SPAG16: variants seen among roughly 807,000 people sequenced by gnomAD.
SPAG16 encodes the protein sperm associated antigen 16.
Under a neutral mutation model 80.4 loss-of-function variants are expected in SPAG16, and 86 were observed. That is an observed-to-expected ratio of 1.07 (90% CI 0.90 to 1.28). SPAG16 has a LOEUF of 1.28. Ranked by LOEUF, SPAG16 falls within the 50% of genes most tolerant of loss-of-function variation. SPAG16 has a pLI of 0.00. For synonymous variants in SPAG16, 294 were observed against 265.9 expected (o/e 1.11, Z -1.03); for missense variants, 870 against 765.3 (o/e 1.14, Z -1.61).
chr2:213,398,168 GT>G (rs61056930), intron 9 of SPAG16, among the ~76,000 whole-genome samples: 10,838 of 138,704 alleles, frequency 0.078, 1,179 homozygotes, highest in African/African-American at 0.26. Flanking sequence ...TTTGCTCTCT[GT>G]TTTTTTTTTT....
At chr2:214,096,854 CA>C (rs561909304) in intron 13 of SPAG16, among the ~76,000 whole-genome samples, 116 of 152,004 alleles carry the variant, frequency 7.6e-4, no homozygotes, top group African/African-American at 2.6e-3. Context: ...CATGAAATAA[CA>C]AAAACTAGGA....
At chr2:213,487,792 A>G (rs1209044202) in intron 9 of SPAG16, among the ~76,000 whole-genome samples, 1 of 152,082 alleles carries the variant, frequency 6.6e-6, no homozygotes. Flanking sequence ...ACAACTATAT[A>G]AGACTGGATT....
At chr2:214,202,245 T>A (rs1393250305) in intron 15 of SPAG16, among the ~76,000 whole-genome samples, 1 of 152,132 alleles carries the variant, frequency 6.6e-6, no homozygotes, top group Non-Finnish European at 1.5e-5. Context: ...AACTTGAAAA[T>A]TTTTTTACAA....
chr2:213,747,200 A>G (rs951122204), intron 10 of SPAG16, among the ~76,000 whole-genome samples: 1 of 152,240 alleles, frequency 6.6e-6, no homozygotes, highest in Non-Finnish European at 1.5e-5. Flanking sequence ...TTTTAAAAAT[A>G]CAAAAAGTCT....
intron 12 of SPAG16, among the ~76,000 whole-genome samples, chr2:213,996,513 G>A (rs2046522206): frequency 6.6e-6 from 1 of 150,962 alleles, no homozygotes; most frequent in Non-Finnish European, 1.5e-5. Flanking sequence ...GAATCACAGT[G>A]CCTTAAAATA....
At chr2:214,210,839 G>GCACACACA (rs58316951) in intron 15 of SPAG16, among the ~76,000 whole-genome samples, 5 of 149,514 alleles carry the variant, frequency 3.3e-5, no homozygotes, top group African/African-American at 1.2e-4. Context: ...ATGCGCGCGC[G>GCACACACA]CACACACACA....
At chr2:214,368,119 C>T (rs1345955908) in intron 15 of SPAG16, among the ~76,000 whole-genome samples, 2 of 152,094 alleles carry the variant, frequency 1.3e-5, no homozygotes, top group African/African-American at 2.4e-5. Context: ...GTTACATAAG[C>T]AAACCATTAA....
chr2:213,961,358 T>G (rs1559632837), intron 12 of SPAG16, among the ~76,000 whole-genome samples: 2 of 152,216 alleles, frequency 1.3e-5, no homozygotes, highest in Admixed American at 6.5e-5. Context: ...AGAATTTTAC[T>G]TCTTCCTTTT....
intron 15 of SPAG16, among the ~76,000 whole-genome samples, chr2:214,290,685 G>A (rs1346660983): frequency 1.3e-5 from 2 of 152,070 alleles, no homozygotes; most frequent in Non-Finnish European, 2.9e-5. Context: ...TATCTGTATA[G>A]TTTCCAACGT....
intron 5 of SPAG16, 136 bp from the exon 6 acceptor site, chr2:213,340,027 T>C: frequency 1.6e-6 from 1 of 625,806 alleles, no homozygotes; most frequent in Non-Finnish European, 2.8e-6. Context: ...GATGAGAATC[T>C]TCGATGAGAA....
intron 10 of SPAG16, among the ~76,000 whole-genome samples, chr2:213,507,488 C>T (rs1425774058): frequency 6.6e-6 from 1 of 152,168 alleles, no homozygotes; most frequent in African/African-American, 2.4e-5. Context: ...ATTAAATGAC[C>T]TACATAATAG....
At chr2:213,928,580 T>A (rs1177051652) in intron 11 of SPAG16, among the ~76,000 whole-genome samples, 3 of 152,224 alleles carry the variant, frequency 2.0e-5, no homozygotes, top group Admixed American at 2.0e-4. Flanking sequence ...TTGATTCTAC[T>A]ATTCCCTCTG....
intron 10 of SPAG16, among the ~76,000 whole-genome samples, chr2:213,756,175 T>C (rs1257127198): frequency 6.6e-6 from 1 of 151,868 alleles, no homozygotes; most frequent in Non-Finnish European, 1.5e-5. Context: ...CCAATAGGTG[T>C]TAAAAAAAAG....
chr2:213,398,288 T>G (rs1411827109), intron 9 of SPAG16, among the ~76,000 whole-genome samples: 2 of 152,152 alleles, frequency 1.3e-5, no homozygotes, highest in African/African-American at 4.8e-5. Flanking sequence ...AGTCATCTTC[T>G]TAAAACATAA....
At chr2:213,384,013 A>G (rs1169664341) in intron 9 of SPAG16, among the ~76,000 whole-genome samples, 1 of 152,212 alleles carries the variant, frequency 6.6e-6, no homozygotes, top group African/African-American at 2.4e-5. Flanking sequence ...CTGCTGTTGC[A>G]AAGATACCAT....
At chr2:213,514,850 ATTAAG>A (rs140913856) in intron 10 of SPAG16, among the ~76,000 whole-genome samples, 8,869 of 152,136 alleles carry the variant, frequency 0.058, 845 homozygotes, top group African/African-American at 0.2. Flanking sequence ...ATGGAATCCT[ATTAAG>A]TTATTTTACT....
At chr2:214,091,761 G>C (rs1014194788) in intron 13 of SPAG16, among the ~76,000 whole-genome samples, 1 of 151,954 alleles carries the variant, frequency 6.6e-6, no homozygotes, top group African/African-American at 2.4e-5. Flanking sequence ...TACATAAATA[G>C]GTTCCTGTAT....
At chr2:213,866,807 T>C (rs2075706237) in intron 11 of SPAG16, among the ~76,000 whole-genome samples, 1 of 152,240 alleles carries the variant, frequency 6.6e-6, no homozygotes, top group Admixed American at 6.5e-5. Context: ...TGGTGTTTAC[T>C]CTCTTTAAAT....
At chr2:214,192,755 G>A (rs2057702504) in intron 15 of SPAG16, among the ~76,000 whole-genome samples, 1 of 151,974 alleles carries the variant, frequency 6.6e-6, no homozygotes, top group African/African-American at 2.4e-5. Flanking sequence ...CCATGGGTAA[G>A]CAAAATACTC....
Sources: allele counts gnomAD v4.1 joint callset (sites outside exome capture counted in the v4.1 genomes callset), GRCh38; gene constraint gnomAD v4.1.1; transcripts MANE v1.5; gene names NCBI Gene and HGNC (gene_info 2026-07-23, HGNC 2026-07-21).